SLC35F3: variants seen among roughly 807,000 people sequenced by gnomAD.
SLC35F3 encodes putative thiamine transporter SLC35F3.
In SLC35F3, 25 loss-of-function variants were observed where a neutral mutation model predicts 49.9. That is an observed-to-expected ratio of 0.50 (90% CI 0.37 to 0.70). The LOEUF (loss-of-function observed/expected upper bound fraction) is 0.70. Among genes scored for constraint, SLC35F3 ranks in the 30% least tolerant of loss-of-function variants. SLC35F3 has a pLI of 0.00. For synonymous variants in SLC35F3, 275 were observed against 265.4 expected (o/e 1.04, Z -0.35); for missense variants, 525 against 639.8 (o/e 0.82, Z 1.94).
chr1:234,297,773 T>C (rs938387878), intron 3 of SLC35F3, among the ~76,000 whole-genome samples: 2 of 148,732 alleles, frequency 1.3e-5, no homozygotes, highest in Non-Finnish European at 3.0e-5. Context: ...GTTAAACTCA[T>C]AGAAGCAAGG....
At chr1:234,040,471 C>T (rs866831331) in intron 2 of SLC35F3, among the ~76,000 whole-genome samples, 5 of 152,202 alleles carry the variant, frequency 3.3e-5, no homozygotes, top group East Asian at 1.9e-4. Flanking sequence ...ACCAGGGACC[C>T]GCCCCTGTCT....
chr1:233,983,836 C>T (rs566526666), intron 2 of SLC35F3, among the ~76,000 whole-genome samples: 79 of 152,304 alleles, frequency 5.2e-4, no homozygotes, highest in East Asian at 1.7e-3. Flanking sequence ...CCCCATGAGG[C>T]GGCATATCTG....
intron 2 of SLC35F3, among the ~76,000 whole-genome samples, chr1:234,058,659 G>C (rs1664493125): frequency 1.3e-5 from 2 of 151,840 alleles, no homozygotes; most frequent in African/African-American, 4.8e-5. Flanking sequence ...GATTTTGTTT[G>C]GTATTATTTT....
rs181115707 is a variant in SLC35F3, at chr1:234,231,853, T to C, written c.608+112T>C. On this transcript the variant is annotated intron_variant, in intron 3 of 7. Coordinates refer to ENST00000366618, the MANE Select transcript of SLC35F3 (RefSeq NM_173508.4). This position sits in a 1 kb window ranked among gnomAD's most constrained non-coding sequence, Gnocchi z 5.4. The stretch of plus-strand genomic sequence containing the variant: ...GCTGGGATGAGCCGGTGGGAGCCCG[T>C]GGAGAGATGTTGCAGTGAATGCACC... 1.1e-3 allele frequency: 1,118 copies of C among 1,038,208 alleles called. 8 individuals carry two copies. In the African/African-American group the frequency reaches 0.016, roughly 15 times the overall value. 64.3% of individuals were successfully genotyped at this position (1,038,208 alleles called of 1,614,324 possible). A position where few individuals can be genotyped will look rare whatever the true frequency, so the allele number is the denominator to read the frequency against.
chr1:234,199,192 C>T (rs1410835081), intron 2 of SLC35F3, among the ~76,000 whole-genome samples: 1 of 151,988 alleles, frequency 6.6e-6, no homozygotes, highest in Non-Finnish European at 1.5e-5. Flanking sequence ...TGCACCACCA[C>T]ACTCCAGCCT....
chr1:233,956,784 C>T (rs1039998184), intron 2 of SLC35F3, among the ~76,000 whole-genome samples: 1 of 152,206 alleles, frequency 6.6e-6, no homozygotes, highest in Non-Finnish European at 1.5e-5. Flanking sequence ...GTGGATGAAA[C>T]CTGGTGGGAG....
chr1:234,017,210 G>C (rs993806937), intron 2 of SLC35F3, among the ~76,000 whole-genome samples: 1 of 152,080 alleles, frequency 6.6e-6, no homozygotes, highest in African/African-American at 2.4e-5. Flanking sequence ...CCAAAGCTAG[G>C]GTTGGAGTGC....
intron 2 of SLC35F3, among the ~76,000 whole-genome samples, chr1:234,172,314 A>G (rs1387756240): frequency 6.6e-6 from 1 of 152,080 alleles, no homozygotes; most frequent in African/African-American, 2.4e-5. Flanking sequence ...GCTCACTGCA[A>G]CCTCCACCTC....
rs1352018527 is a variant in SLC35F3 at position 234,268,391 on chromosome 1, G to A, written c.608+36650G>A. 3.9e-5 allele frequency among the ~76,000 whole-genome samples: 6 copies of A among 152,094 alleles called. No homozygotes were observed. The South Asian group carries it at 1.0e-3, about 26-fold the overall frequency. ...TCAGGCAGGGAGGTTGCAGTGAGCC[G>A]AGATGGCAGCAGTACCGTCCAGCTT... On this transcript the variant is annotated intron_variant, in intron 3 of 7. Coordinates refer to ENST00000366618, the MANE Select transcript of SLC35F3 (RefSeq NM_173508.4).
rs1662731711 is a variant in SLC35F3 at position 233,957,827 on chromosome 1, A to G, written c.283+52069A>G. 6.6e-6 allele frequency among the ~76,000 whole-genome samples: 1 copy of G among 151,868 alleles called. No homozygotes were observed. Among genetic ancestry groups the G allele is most frequent in the Non-Finnish European group, 1.5e-5 (1 of 67,978 alleles). On this transcript the variant is annotated intron_variant, in intron 2 of 7. Transcript: ENST00000366618. The surrounding 1 kb of genome is among the most constrained non-coding windows in gnomAD (Gnocchi z 4.0). ...CGAAACTCCATCTCAAAAAAAAAAT[A>G]CAATAATCATTTTATTATTGCTTGT... is the stretch of plus-strand genomic sequence containing the variant.
intron 2 of SLC35F3, among the ~76,000 whole-genome samples, chr1:234,086,896 C>A (rs1664969689): frequency 6.6e-6 from 1 of 152,210 alleles, no homozygotes; most frequent in Non-Finnish European, 1.5e-5. Context: ...TCGTCCCTGC[C>A]TTGACAACAT....
At chr1:234,181,278 G>T (rs1008292510) in intron 2 of SLC35F3, among the ~76,000 whole-genome samples, 3 of 145,112 alleles carry the variant, frequency 2.1e-5, no homozygotes, top group Non-Finnish European at 3.0e-5. Flanking sequence ...GGAGGTTGCA[G>T]TGAGTCGAGA....
In SLC35F3 at chr1:234,141,529, A is replaced by G. The variant is rs149184593; in HGVS notation, c.284-89888A>G. Among the ~76,000 whole-genome samples the G allele has an allele frequency of 5.4e-3, 826 of 152,258 alleles. 12 individuals carry two copies. The highest frequency in any genetic ancestry group is 0.018 in the African/African-American group (757 of 41,558). Reference sequence around the variant, plus strand: ...CTAAACATGTCCACCACCTCCAAAAATTTCCTTGTGTTCTTTTGCGCATTT... The same window carrying G: ...CTAAACATGTCCACCACCTCCAAAAGTTTCCTTGTGTTCTTTTGCGCATTT... On this transcript the variant is annotated intron_variant, in intron 2 of 7. Coordinates refer to ENST00000366618, the MANE Select transcript of SLC35F3 (RefSeq NM_173508.4).
intron 2 of SLC35F3, among the ~76,000 whole-genome samples, chr1:233,927,197 A>C (rs4295941): frequency 0.029 from 4,426 of 152,282 alleles, 194 homozygotes; most frequent in African/African-American, 0.1. Flanking sequence ...ATTATGAATA[A>C]AGTTTCTATA....
Position 234,231,108 on chromosome 1 carries a change from T to C in SLC35F3, c.284-309T>C, listed in dbSNP as rs1691978445. 6.6e-6 allele frequency among the ~76,000 whole-genome samples: 1 copy of C among 152,206 alleles called. No homozygotes were observed. The highest frequency in any genetic ancestry group is 1.5e-5 in the Non-Finnish European group (1 of 68,020). ...ACCTGAGGAATGCAGGTTCTGATTTTGGAGTCTGGGGTGAGCCCTGAGATT... is the reference window on the plus strand; with the variant it reads ...ACCTGAGGAATGCAGGTTCTGATTTCGGAGTCTGGGGTGAGCCCTGAGATT... On this transcript the variant is annotated intron_variant, in intron 2 of 7. Coordinates refer to ENST00000366618, the MANE Select transcript of SLC35F3 (RefSeq NM_173508.4). This position sits in a 1 kb window ranked among gnomAD's most constrained non-coding sequence, Gnocchi z 5.4.
intron 2 of SLC35F3, among the ~76,000 whole-genome samples, chr1:233,915,125 C>T (rs1263254308): frequency 6.6e-6 from 1 of 152,204 alleles, no homozygotes; most frequent in African/African-American, 2.4e-5. Flanking sequence ...GAAATGTTTT[C>T]TGTGACATTC....
chr1:234,199,568 GTGACAT>G, intron 2 of SLC35F3, among the ~76,000 whole-genome samples: 1 of 152,316 alleles, frequency 6.6e-6, no homozygotes, highest in Non-Finnish European at 1.5e-5. Flanking sequence ...GAAAGACTTT[GTGACAT>G]TGGTCTGGGC....
chr1:233,998,451 T>A (rs112400362), intron 2 of SLC35F3, among the ~76,000 whole-genome samples: 2,039 of 151,984 alleles, frequency 0.013, 38 homozygotes, highest in African/African-American at 0.046. Flanking sequence ...AGATACAGAA[T>A]GACCATTTGT....
intron 2 of SLC35F3, among the ~76,000 whole-genome samples, chr1:234,058,137 C>T (rs1304367072): frequency 1.3e-5 from 2 of 151,382 alleles, no homozygotes; most frequent in African/African-American, 2.4e-5. Context: ...GTTTGTTGAG[C>T]GCTTTAATAT....
Sources: allele counts gnomAD v4.1 joint callset (sites outside exome capture counted in the v4.1 genomes callset), GRCh38; gene constraint gnomAD v4.1.1; non-coding constraint Gnocchi (gnomAD v3.1); transcripts MANE v1.5; gene names NCBI Gene and HGNC (gene_info 2026-07-23, HGNC 2026-07-21).